KATNAL1: variants seen among roughly 807,000 people sequenced by gnomAD.
KATNAL1 encodes katanin catalytic subunit A1 like 1.
KATNAL1 carries 32 observed loss-of-function variants against 55.2 expected under a neutral mutation model. That is an observed-to-expected ratio of 0.58 (90% CI 0.44 to 0.78). The LOEUF is 0.78. Among genes scored for constraint, KATNAL1 ranks in the 30% least tolerant of loss-of-function variants. The pLI, the probability that KATNAL1 is intolerant of heterozygous loss-of-function variation, is 0.00. For synonymous variants in KATNAL1, 193 were observed against 193.6 expected (o/e 1.00, Z 0.02); for missense variants, 466 against 600.9 (o/e 0.78, Z 2.35).
chr13:30,238,057 C>G (rs1477569070), intron 6 of KATNAL1, among the ~76,000 whole-genome samples: 1 of 152,130 alleles, frequency 6.6e-6, no homozygotes, highest in Non-Finnish European at 1.5e-5. Context: ...CTTTGCCTCC[C>G]GTCTTTCTGT....
chr13:30,290,877 T>G (rs541219641), intron 1 of KATNAL1, among the ~76,000 whole-genome samples: 12 of 152,288 alleles, frequency 7.9e-5, no homozygotes, highest in Non-Finnish European at 1.5e-5. Context: ...TCTCAATAGA[T>G]ACAGAAAATG....
rs1355025247 is a variant in KATNAL1 at position 30,204,751 on chromosome 13, T to G, written c.*3789A>C. 6.6e-6 allele frequency: 1 copy of G among 152,240 alleles called. No individual in the cohort carries two copies. Among genetic ancestry groups the G allele is most frequent in the Non-Finnish European group, 1.5e-5 (1 of 68,056 alleles). 9.4% of individuals were successfully genotyped at this position (152,240 alleles called of 1,614,324 possible). A position where few individuals can be genotyped will look rare whatever the true frequency, so the allele number is the denominator to read the frequency against. ...TAATTCGTGCTTTCAGCCTATGTTT[T>G]GAGAGTGAAATATGACATCACAATC... is the stretch of plus-strand genomic sequence containing the variant. On this transcript the variant is annotated 3_prime_UTR_variant, in exon 11 of 11. Coordinates refer to ENST00000380615, the MANE Select transcript of KATNAL1 (RefSeq NM_032116.5).
Position 30,208,709 on chromosome 13 carries a change from C to G in KATNAL1, c.1304G>C (p.Arg435Pro). The change falls in exon 11 of 11, where the codon CGT becomes CCT. Residue 435 changes from arginine (R) to proline (P), a missense_variant. By Grantham distance (103) the Arg-to-Pro change is moderately radical (BLOSUM62 -2). Coordinates refer to ENST00000380615, the MANE Select transcript of KATNAL1 (RefSeq NM_032116.5). ...RDASLMAMRR[R>P]INGLSPEEIR... The stretch of plus-strand genomic sequence containing the variant: ...TTCTTCTGGACTTAAGCCATTGATA[C>G]GCCGTCTCATTGCCATTAAAGAGGC... 1 of 1,612,454 alleles carries G rather than the reference C, an allele frequency of 6.2e-7. No homozygotes were observed. Among genetic ancestry groups the G allele is most frequent in the Non-Finnish European group, 8.5e-7 (1 of 1,179,278 alleles).
chr13:30,301,505 A>C (rs568920840), intron 1 of KATNAL1, among the ~76,000 whole-genome samples: 3 of 152,320 alleles, frequency 2.0e-5, no homozygotes, highest in Admixed American at 6.5e-5. Context: ...TTTTCTAGGC[A>C]TTATCTCATC....
At chr13:30,247,146 C>A (rs1405109874) in intron 4 of KATNAL1, among the ~76,000 whole-genome samples, 1 of 152,110 alleles carries the variant, frequency 6.6e-6, no homozygotes, top group Non-Finnish European at 1.5e-5. Context: ...GAATACAGCT[C>A]CAGAATCAGT....
At chr13:30,276,516 C>CAAAAAAAAAAAAAAA (rs35974864) in intron 3 of KATNAL1, among the ~76,000 whole-genome samples, 1 of 99,100 alleles carries the variant, frequency 1.0e-5, no homozygotes, top group African/African-American at 4.0e-5. Context: ...TGAGAGATGG[C>CAAAAAAAAAAAAAAA]AAAAAAAAAA....
intron 1 of KATNAL1, among the ~76,000 whole-genome samples, chr13:30,290,986 C>T (rs569974010): frequency 1.3e-5 from 2 of 152,314 alleles, no homozygotes; most frequent in Admixed American, 6.5e-5. Flanking sequence ...GAAATACCTA[C>T]GGCTAGCATA....
At chr13:30,229,328 T>C (rs1429950426) in intron 8 of KATNAL1, among the ~76,000 whole-genome samples, 1 of 152,118 alleles carries the variant, frequency 6.6e-6, no homozygotes, top group Non-Finnish European at 1.5e-5. Context: ...TACGCCAGAA[T>C]GTACCATAAT....
intron 1 of KATNAL1, chr13:30,296,744 A>G (rs28405064): frequency 1.9e-6 from 1 of 513,044 alleles, no homozygotes; most frequent in Non-Finnish European, 3.8e-6. Flanking sequence ...AGGCTGGCCA[A>G]TGGATAGTGA....
At chr13:30,297,127 A>G (rs1882559028) in intron 1 of KATNAL1, among the ~76,000 whole-genome samples, 1 of 150,474 alleles carries the variant, frequency 6.6e-6, no homozygotes, top group Non-Finnish European at 1.5e-5. Context: ...TGGGTGACAG[A>G]GTGAGACCCT....
intron 6 of KATNAL1, among the ~76,000 whole-genome samples, chr13:30,236,455 A>G (rs769414887): frequency 2.6e-5 from 4 of 152,158 alleles, no homozygotes; most frequent in Non-Finnish European, 4.4e-5. Context: ...CCTGTAAACA[A>G]TCAGTCACTG....
intron 4 of KATNAL1, among the ~76,000 whole-genome samples, chr13:30,250,515 T>C (rs1878198254): frequency 6.6e-6 from 1 of 152,230 alleles, no homozygotes. Flanking sequence ...TGCACTTTTC[T>C]TCAGTAGAAA....
intron 1 of KATNAL1, among the ~76,000 whole-genome samples, chr13:30,299,714 A>T (rs1212501942): frequency 7.2e-5 from 11 of 152,202 alleles, no homozygotes; most frequent in Non-Finnish European, 8.8e-5. Context: ...GCATCTTCTT[A>T]CAGTATTTAC....
chr13:30,209,225 G>A (rs1593819757), intron 10 of KATNAL1, among the ~76,000 whole-genome samples: 1 of 152,296 alleles, frequency 6.6e-6, no homozygotes, highest in East Asian at 1.9e-4. Context: ...GTATTTGTAG[G>A]CAACTGAAGG....
chr13:30,249,741 G>A (rs1018075624), intron 4 of KATNAL1, among the ~76,000 whole-genome samples: 1 of 152,130 alleles, frequency 6.6e-6, no homozygotes, highest in Admixed American at 6.5e-5. Context: ...AGGATTGGGA[G>A]GGATCATGAA....
chr13:30,262,379 T>C (rs1045592172), intron 3 of KATNAL1, among the ~76,000 whole-genome samples: 2 of 151,594 alleles, frequency 1.3e-5, no homozygotes, highest in Non-Finnish European at 2.9e-5. Flanking sequence ...AGAGCAGAAC[T>C]GAAGGAAATA....
At chr13:30,210,748 G>GA in intron 9 of KATNAL1, 1 of 187,018 alleles carries the variant, frequency 5.3e-6, no homozygotes, top group Non-Finnish European at 1.1e-5. Flanking sequence ...GATTCTTCAT[G>GA]AAAAATATAA....
intron 2 of KATNAL1, among the ~76,000 whole-genome samples, chr13:30,281,372 A>G (rs1881309922): frequency 6.6e-6 from 1 of 152,188 alleles, no homozygotes; most frequent in African/African-American, 2.4e-5. Flanking sequence ...ATGTAATTTC[A>G]GAACCCAGTG....
intron 1 of KATNAL1, among the ~76,000 whole-genome samples, chr13:30,299,826 T>C (rs943938749): frequency 2.0e-5 from 3 of 152,194 alleles, no homozygotes; most frequent in Non-Finnish European, 2.9e-5. Context: ...TCCAAGTTCA[T>C]GCTCAGATCA....
Sources: gnomAD v4.1 joint callset for allele counts (sites outside exome capture counted in the v4.1 genomes callset) on GRCh38, gnomAD v4.1.1 for gene constraint, MANE v1.5 for transcripts, NCBI Gene and HGNC (gene_info 2026-07-23, HGNC 2026-07-21) for gene names.